URI1: variants seen among roughly 807,000 people sequenced by gnomAD.
URI1 encodes URI1 prefoldin like chaperone, also known as unconventional prefoldin RPB5 interactor 1.
Under a neutral mutation model 60.2 loss-of-function variants are expected in URI1, and 39 were observed. That is an observed-to-expected ratio of 0.65 (90% CI 0.50 to 0.85). The LOEUF (loss-of-function observed/expected upper bound fraction) is 0.85, where lower values mean the gene tolerates loss of function less well. URI1 is among the 40% of genes least tolerant of loss of function. The probability of loss-of-function intolerance (pLI) is 0.00; values close to 1 mark genes in which losing one functional copy is unlikely to be tolerated. For synonymous variants in URI1, 251 were observed against 236.8 expected (o/e 1.06, Z -0.55); for missense variants, 691 against 665.9 (o/e 1.04, Z -0.42).
Position 29,971,172 on chromosome 19 carries a change from AGTT to A in URI1, c.118-20_118-18del. 6.2e-7 allele frequency: 1 copy of A among 1,611,606 alleles called. No homozygotes were observed. The highest frequency in any genetic ancestry group is 8.5e-7 in the Non-Finnish European group (1 of 1,178,748). ...TGCATAGCTCTGTTTTTTCATGAGT[AGTT>A]ATCTGTTTTCATGACAGGTGGTCAC... On this transcript the variant is annotated intron_variant, in intron 1 of 10. Transcript: ENST00000392271.
intron 4 of URI1, 83 bp from the exon 5 acceptor site, chr19:30,005,278 A>G (rs2055926013): frequency 2.8e-6 from 2 of 723,054 alleles, no homozygotes; most frequent in South Asian, 2.1e-5. Flanking sequence ...TCATACTTGT[A>G]GTGTGATAGG....
At chr19:29,964,775 A>G (rs2055371200) in intron 1 of URI1, among the ~76,000 whole-genome samples, 1 of 151,716 alleles carries the variant, frequency 6.6e-6, no homozygotes, top group African/African-American at 2.4e-5. Context: ...GGTGTTTAAA[A>G]TAAAAATGTA....
At chr19:29,930,957 C>T (rs1341202247) in intron 1 of URI1, among the ~76,000 whole-genome samples, 1 of 151,718 alleles carries the variant, frequency 6.6e-6, no homozygotes, top group East Asian at 1.9e-4. Flanking sequence ...ATCTACCTGC[C>T]TTGGCTTCCC....
At chr19:29,995,562 A>AT (rs397810742) in intron 4 of URI1, among the ~76,000 whole-genome samples, 3 of 151,160 alleles carry the variant, frequency 2.0e-5, no homozygotes, top group Admixed American at 1.3e-4. Context: ...TAAAAAAAAA[A>AT]ATAGCTGCCA....
intron 4 of URI1, among the ~76,000 whole-genome samples, chr19:29,988,187 C>T (rs1310091042): frequency 2.0e-5 from 3 of 148,112 alleles, no homozygotes; most frequent in East Asian, 3.9e-4. Context: ...AAAAAAATTA[C>T]GTAAAGCTCT....
In URI1 at chr19:29,975,651, G is replaced by A. The variant is rs113246407; in HGVS notation, c.152+4424G>A. ...CCGAAGTAGCTGAGATTACAGGCGCGTGCCGCCATGCCCAGCTAATTTTTT... is the reference window on the plus strand; with the variant it reads ...CCGAAGTAGCTGAGATTACAGGCGCATGCCGCCATGCCCAGCTAATTTTTT... On this transcript the variant is annotated intron_variant, in intron 2 of 10. Coordinates refer to ENST00000392271, the MANE Select transcript of URI1 (RefSeq NM_003796.3). Among the ~76,000 whole-genome samples, 1,114 of 152,066 alleles carry A rather than the reference G, an allele frequency of 7.3e-3. 23 individuals carry two copies. Among genetic ancestry groups the A allele is most frequent in the African/African-American group, 0.025 (1,054 of 41,486 alleles).
At chr19:29,947,501 C>T (rs1173864954) in intron 1 of URI1, among the ~76,000 whole-genome samples, 4 of 152,162 alleles carry the variant, frequency 2.6e-5, no homozygotes, top group African/African-American at 4.8e-5. Context: ...AGAAGTTCTC[C>T]CTGCTTCAGT....
intron 4 of URI1, 90 bp from the exon 5 acceptor site, chr19:30,005,271 T>G: frequency 1.4e-6 from 1 of 695,246 alleles, no homozygotes; most frequent in South Asian, 2.2e-5. Flanking sequence ...TGTTAAATCA[T>G]ACTTGTAGTG....
upstream of URI1, among the ~76,000 whole-genome samples, chr19:29,941,680 A>G (rs1006978631): frequency 6.6e-6 from 1 of 152,118 alleles, no homozygotes; most frequent in Non-Finnish European, 1.5e-5. Context: ...AAAATTTCTT[A>G]GTCCATTCAT....
chr19:29,983,054 A>G (rs945056796), intron 2 of URI1, among the ~76,000 whole-genome samples: 1 of 152,152 alleles, frequency 6.6e-6, no homozygotes, highest in African/African-American at 2.4e-5. Flanking sequence ...TTTTTTTGCC[A>G]TTTTATCCAT....
intron 4 of URI1, among the ~76,000 whole-genome samples, chr19:29,988,063 G>A (rs2055694804): frequency 1.3e-5 from 2 of 151,786 alleles, no homozygotes; most frequent in Non-Finnish European, 1.5e-5. Context: ...AGCTACTTGG[G>A]AGGCTGAGAC....
intron 4 of URI1, among the ~76,000 whole-genome samples, chr19:29,992,542 G>T (rs1382781366): frequency 6.6e-6 from 1 of 152,058 alleles, no homozygotes; most frequent in Non-Finnish European, 1.5e-5. Flanking sequence ...TCCTCTTTTA[G>T]ATTATTTAAT....
intron 7 of URI1, 94 bp downstream of exon 7, chr19:30,007,732 A>G: frequency 9.1e-7 from 1 of 1,099,426 alleles, no homozygotes; most frequent in Non-Finnish European, 1.3e-6. Context: ...ATATGTGTTC[A>G]TTGAAGAAAA....
intron 4 of URI1, among the ~76,000 whole-genome samples, chr19:29,999,606 C>T (rs532023403): frequency 5.9e-5 from 9 of 151,968 alleles, no homozygotes; most frequent in Non-Finnish European, 1.2e-4. Flanking sequence ...TCAAGATTCT[C>T]TCTTTGTTGT....
At chr19:30,003,354 T>G (rs746241896) in intron 4 of URI1, among the ~76,000 whole-genome samples, 4 of 152,066 alleles carry the variant, frequency 2.6e-5, no homozygotes, top group Non-Finnish European at 5.9e-5. Context: ...AATAGAGATA[T>G]ATATCTGCAT....
chr19:29,966,786 C>T (rs2055396343), intron 1 of URI1, among the ~76,000 whole-genome samples: 2 of 152,182 alleles, frequency 1.3e-5, no homozygotes. Flanking sequence ...GTCTTGAAGC[C>T]ACAGTCTAGC....
chr19:29,949,706 G>A (rs1357875856), intron 1 of URI1, among the ~76,000 whole-genome samples: 1 of 152,232 alleles, frequency 6.6e-6, no homozygotes, highest in Non-Finnish European at 1.5e-5. Context: ...TTAGGAGCTG[G>A]AGACCAGCCC....
At chr19:29,947,684 T>G (rs2055119524) in intron 1 of URI1, among the ~76,000 whole-genome samples, 1 of 152,242 alleles carries the variant, frequency 6.6e-6, no homozygotes, top group African/African-American at 2.4e-5. Flanking sequence ...TTCTAATTGA[T>G]TCATAGTAAT....
At chr19:29,974,560 A>G (rs2055497745) in intron 2 of URI1, among the ~76,000 whole-genome samples, 1 of 152,150 alleles carries the variant, frequency 6.6e-6, no homozygotes. Flanking sequence ...TCAACATCTT[A>G]TCTTGCCATC....
Sources: allele counts gnomAD v4.1 joint callset (sites outside exome capture counted in the v4.1 genomes callset), GRCh38; gene constraint gnomAD v4.1.1; transcripts MANE v1.5; gene names NCBI Gene and HGNC (gene_info 2026-07-23, HGNC 2026-07-21).